Variants in BRAF observed in about 807,000 individuals in gnomAD.
The protein encoded by BRAF is serine/threonine-protein kinase B-raf.
BRAF carries 16 observed loss-of-function variants against 104.6 expected under a neutral mutation model. The ratio of observed to expected loss-of-function variants is 0.15; its 90% confidence interval spans 0.10 to 0.23. The LOEUF (loss-of-function observed/expected upper bound fraction) is 0.23. Among genes scored for constraint, BRAF ranks in the 10% least tolerant of loss-of-function variants. The pLI is 1.00. For synonymous variants in BRAF, 310 were observed against 341.6 expected (o/e 0.91, Z 1.02); for missense variants, 541 against 937.3 (o/e 0.58, Z 5.52).
chr7:140,923,952 G>C (rs894359571), intron 1 of BRAF, among the ~76,000 whole-genome samples: 2 of 152,134 alleles, frequency 1.3e-5, no homozygotes, highest in Non-Finnish European at 2.9e-5. Flanking sequence ...GACCAGAAAA[G>C]GCATCGGAAA....
chr7:140,786,854 A>T (rs1229449159), intron 9 of BRAF, among the ~76,000 whole-genome samples: 1 of 152,234 alleles, frequency 6.6e-6, no homozygotes, highest in Non-Finnish European at 1.5e-5. Flanking sequence ...AATAGCTTTC[A>T]AGATGGTTAG....
At chr7:140,753,665 A>G (rs1797969152) in intron 15 of BRAF, 1 of 341,798 alleles carries the variant, frequency 2.9e-6, no homozygotes, top group South Asian at 3.0e-5. Context: ...GGAGAACCTA[A>G]AACTTTCCCA....
intron 8 of BRAF, among the ~76,000 whole-genome samples, chr7:140,793,854 T>C (rs1423131483): frequency 1.8e-4 from 28 of 152,178 alleles, no homozygotes; most frequent in Non-Finnish European, 2.9e-5. Flanking sequence ...CTCTAACTTC[T>C]GGGTCAAGCG....
chr7:140,737,396 T>C (rs1366046141), intron 18 of BRAF, among the ~76,000 whole-genome samples: 3 of 152,204 alleles, frequency 2.0e-5, no homozygotes, highest in African/African-American at 7.2e-5. Flanking sequence ...CACTGTTGTG[T>C]CTTTGCATTT....
rs1466749878 is a variant in BRAF at position 140,924,677 on chromosome 7, A to ACCACCG, written c.21_26dup (p.Gly10_Gly11dup). The ACCACCG allele has an allele frequency of 1.7e-6, 2 of 1,170,438 alleles. No homozygotes were observed. The highest frequency in any genetic ancestry group is 3.2e-5 in the African/African-American group (2 of 61,796). 72.5% of individuals were successfully genotyped at this position (1,170,438 alleles called of 1,614,324 possible). A position where few individuals can be genotyped will look rare whatever the true frequency, so the allele number is the denominator to read the frequency against. ...GAGCCTGGCCCGGCTCCGCGCCGCCACCACCGCCACCGCTCAGCGCCGCCA... is the reference window on the plus strand; with the variant it reads ...GAGCCTGGCCCGGCTCCGCGCCGCCACCACCGCCACCGCCACCGCTCAGCGCCGCCA... On this transcript the variant is annotated inframe_insertion, in exon 1 of 20. Transcript: ENST00000644969. The surrounding 1 kb of genome is among the most constrained non-coding windows in gnomAD (Gnocchi z 4.2).
At chr7:140,838,402 T>G (rs1011832911) in intron 2 of BRAF, among the ~76,000 whole-genome samples, 2 of 152,102 alleles carry the variant, frequency 1.3e-5, no homozygotes, top group African/African-American at 4.8e-5. Context: ...TAATAATTGA[T>G]AACCTGGGAG....
intron 5 of BRAF, among the ~76,000 whole-genome samples, chr7:140,801,936 G>A (rs948471274): frequency 3.3e-5 from 5 of 152,166 alleles, no homozygotes; most frequent in African/African-American, 1.2e-4. Flanking sequence ...AAGAAATGCC[G>A]ACTGGTGTTG....
chr7:140,754,072 C>A, intron 15 of BRAF, 115 bp downstream of exon 14: 1 of 1,096,360 alleles, frequency 9.1e-7, no homozygotes, highest in South Asian at 1.3e-5. Context: ...TATTAATTCT[C>A]TTTACAGTAT....
At chr7:140,904,303 CA>C (rs1456450417) in intron 1 of BRAF, among the ~76,000 whole-genome samples, 1 of 152,102 alleles carries the variant, frequency 6.6e-6, no homozygotes, top group African/African-American at 2.4e-5. Context: ...CCATCCACAG[CA>C]AAACAATTAT....
At chr7:140,841,980 T>C (rs1192375717) in intron 2 of BRAF, among the ~76,000 whole-genome samples, 1 of 152,192 alleles carries the variant, frequency 6.6e-6, no homozygotes, top group Non-Finnish European at 1.5e-5. Context: ...TTAAATTTAG[T>C]CTAATTATTC....
At chr7:140,761,517 G>A (rs1027652487) in intron 14 of BRAF, among the ~76,000 whole-genome samples, 1 of 151,448 alleles carries the variant, frequency 6.6e-6, no homozygotes, top group African/African-American at 2.4e-5. Context: ...CATAATGACA[G>A]GATCAAATTC....
At chr7:140,763,291 C>T (rs546261030) in intron 14 of BRAF, among the ~76,000 whole-genome samples, 5 of 144,128 alleles carry the variant, frequency 3.5e-5, no homozygotes, top group South Asian at 2.2e-4. Context: ...GGGGGCTGAC[C>T]CCCCCCACCT....
intron 17 of BRAF, among the ~76,000 whole-genome samples, chr7:140,745,669 G>T (rs1797290971): frequency 2.0e-5 from 3 of 152,130 alleles, no homozygotes; most frequent in Non-Finnish European, 1.5e-5. Context: ...CTCATTTTCA[G>T]TATCACCCCC....
intron 14 of BRAF, among the ~76,000 whole-genome samples, chr7:140,769,531 A>T (rs1799640910): frequency 6.6e-6 from 1 of 152,338 alleles, no homozygotes; most frequent in Middle Eastern, 3.4e-3. Flanking sequence ...CTGCTTAAAA[A>T]TTTTTAAGTG....
At chr7:140,792,804 T>C (rs1256386745) in intron 8 of BRAF, among the ~76,000 whole-genome samples, 1 of 152,250 alleles carries the variant, frequency 6.6e-6, no homozygotes, top group Admixed American at 6.5e-5. Context: ...TTAGTAAATC[T>C]TTTTAATGGA....
intron 14 of BRAF, among the ~76,000 whole-genome samples, chr7:140,757,508 TCA>T (rs961663483): frequency 6.6e-6 from 1 of 152,100 alleles, no homozygotes; most frequent in African/African-American, 2.4e-5. Flanking sequence ...TAGGATGGGC[TCA>T]GTCTCTTGAC....
rs1796438379 is a variant in BRAF, at chr7:140,736,426, ACAC to A, written c.2248-1659_2248-1657del. Among the ~76,000 whole-genome samples the A allele has an allele frequency of 4.9e-5, 7 of 144,250 alleles. No homozygotes were observed. The South Asian group carries it at 1.5e-3, about 32-fold the overall frequency. 94.6% of individuals were successfully genotyped at this position (144,250 alleles called of 152,430 possible). On this transcript the variant is annotated intron_variant, in intron 18 of 19. Transcript: ENST00000644969. ...ATACATGAAAACAAGGCCCACCTGA[ACAC>A]CACTTTTTTTTTTTGGAGATGGAAT...
At chr7:140,718,215 C>A (rs1795179152), downstream of BRAF, among the ~76,000 whole-genome samples, 1 of 152,174 alleles carries the variant, frequency 6.6e-6, no homozygotes, top group African/African-American at 2.4e-5. Flanking sequence ...CTGCCTCAGC[C>A]TCCCGAGTAG....
chr7:140,807,909 TTAAAATC>T, intron 5 of BRAF, 44 bp downstream of exon 5: 1 of 1,453,822 alleles, frequency 6.9e-7, no homozygotes, highest in Non-Finnish European at 9.6e-7. Context: ...AATTCATTCA[TTAAAATC>T]TAAACATTTT....
Sources: gnomAD v4.1 joint callset for allele counts (sites outside exome capture counted in the v4.1 genomes callset) on GRCh38, gnomAD v4.1.1 for gene constraint, Gnocchi (gnomAD v3.1) non-coding constraint, MANE v1.5 for transcripts, NCBI Gene and HGNC (gene_info 2026-07-23, HGNC 2026-07-21) for gene names.